The following TMEM232 variants were observed in gnomAD, a reference collection of about 807,000 sequenced individuals.
TMEM232 encodes transmembrane protein 232.
A neutral mutation model predicts 78.8 loss-of-function variants in TMEM232; 80 were observed. The observed-to-expected ratio is 1.01, with a 90% CI of 0.85 to 1.22. TMEM232 has a LOEUF of 1.22. Ranked by LOEUF, TMEM232 falls within the 50% of genes most tolerant of loss-of-function variation. The pLI, the probability that TMEM232 is intolerant of heterozygous loss-of-function variation, is 0.00. For synonymous variants in TMEM232, 297 were observed against 254.3 expected (o/e 1.17, Z -1.60); for missense variants, 881 against 742.2 (o/e 1.19, Z -2.17).
intron 1 of TMEM232, among the ~76,000 whole-genome samples, chr5:110,691,195 G>A (rs944900168): frequency 4.0e-5 from 6 of 149,796 alleles, no homozygotes; most frequent in African/African-American, 1.5e-4. Context: ...AGGAAAATGA[G>A]TTTAAAAGCA....
At chr5:110,536,877 G>T (rs984159451) in intron 11 of TMEM232, among the ~76,000 whole-genome samples, 2 of 152,124 alleles carry the variant, frequency 1.3e-5, no homozygotes, top group Non-Finnish European at 2.9e-5. Flanking sequence ...TAAATTTAGA[G>T]AGTAAAAGGG....
At chr5:110,578,953 GAC>G (rs1777864542) in intron 10 of TMEM232, among the ~76,000 whole-genome samples, 2 of 151,736 alleles carry the variant, frequency 1.3e-5, no homozygotes. Context: ...CAATTGGCTG[GAC>G]ACTTCGCAAA....
chr5:110,399,429 G>A (rs1436418373), intron 2 of TMEM232, among the ~76,000 whole-genome samples: 1 of 152,114 alleles, frequency 6.6e-6, no homozygotes, highest in African/African-American at 2.4e-5. Flanking sequence ...TTAACCCAGA[G>A]AAAATATGCT....
intron 1 of TMEM232, among the ~76,000 whole-genome samples, chr5:110,682,417 A>G (rs531126674): frequency 1.3e-5 from 2 of 152,066 alleles, no homozygotes; most frequent in South Asian, 2.1e-4. Flanking sequence ...TTAGACACCA[A>G]CTATTTCTAG....
chr5:110,528,916 A>C, intron 11 of TMEM232, 81 bp from the exon 12 acceptor site: 1 of 1,153,886 alleles, frequency 8.7e-7, no homozygotes, highest in South Asian at 3.8e-5. Flanking sequence ...AAATTTTTTA[A>C]AGTATCTTTA....
intron 2 of TMEM232, among the ~76,000 whole-genome samples, chr5:110,413,961 CCCA>C (rs201383801): frequency 1.3e-5 from 2 of 152,266 alleles, no homozygotes; most frequent in East Asian, 3.9e-4. Flanking sequence ...AACCATATGA[CCCA>C]CCACAACACA....
intron 12 of TMEM232, among the ~76,000 whole-genome samples, chr5:110,444,057 G>T (rs1007864621): frequency 2.6e-5 from 4 of 152,034 alleles, no homozygotes; most frequent in African/African-American, 9.7e-5. Flanking sequence ...TTGGGGAAGG[G>T]GTGATGCAAG....
chr5:110,438,411 C>T lies in TMEM232; in HGVS notation c.1704-13495G>A, dbSNP rs575596429. 5.3e-4 allele frequency among the ~76,000 whole-genome samples: 81 copies of T among 151,890 alleles called. 1 individual carries two copies. Among genetic ancestry groups the T allele is most frequent in the Non-Finnish European group, 1.0e-3 (69 of 67,936 alleles). On this transcript the variant is annotated intron_variant, in intron 12 of 13. Transcript: ENST00000455884. ...CCCAGCGAAGGGCCACTTAAATTAC[C>T]TCTCCATTCTCATGATCTGAGTGCA...
chr5:110,433,159 CCAA>C (rs1456765651), intron 12 of TMEM232, among the ~76,000 whole-genome samples: 1 of 151,668 alleles, frequency 6.6e-6, no homozygotes, highest in African/African-American at 2.4e-5. Flanking sequence ...ATTACTCCAC[CCAA>C]CAACGACAGA....
chr5:110,433,994 A>G (rs548007864), intron 12 of TMEM232, among the ~76,000 whole-genome samples: 30 of 152,150 alleles, frequency 2.0e-4, no homozygotes, highest in Middle Eastern at 3.4e-3. Flanking sequence ...CTAGTATTAT[A>G]GAATGAGTTA....
intron 12 of TMEM232, among the ~76,000 whole-genome samples, chr5:110,520,048 T>TAGAG (rs200426316): frequency 1.8e-4 from 24 of 136,930 alleles, no homozygotes; most frequent in African/African-American, 7.0e-4. Flanking sequence ...TATATATATA[T>TAGAG]ATAGAGAGAG....
chr5:110,716,961 A>G (rs1178858384), intron 1 of TMEM232, among the ~76,000 whole-genome samples: 1 of 152,172 alleles, frequency 6.6e-6, no homozygotes, highest in East Asian at 1.9e-4. Flanking sequence ...TGTATGAAGT[A>G]TACAGCAATT....
intron 10 of TMEM232, among the ~76,000 whole-genome samples, chr5:110,595,110 G>T (rs1779994151): frequency 6.6e-6 from 1 of 152,202 alleles, no homozygotes; most frequent in Admixed American, 6.5e-5. Context: ...TGCAGCTTCT[G>T]CTGGTGATAC....
At chr5:110,398,511 G>C (rs1755475297) in intron 2 of TMEM232, among the ~76,000 whole-genome samples, 1 of 152,100 alleles carries the variant, frequency 6.6e-6, no homozygotes, top group Admixed American at 6.6e-5. Context: ...ATCACTTCTT[G>C]CCATGGACAG....
intron 12 of TMEM232, among the ~76,000 whole-genome samples, chr5:110,429,098 C>T (rs570194965): frequency 4.0e-5 from 6 of 151,810 alleles, no homozygotes; most frequent in African/African-American, 1.4e-4. Flanking sequence ...GAAGAAAAAG[C>T]TTAGATTCTT....
intron 2 of TMEM232, among the ~76,000 whole-genome samples, chr5:110,404,000 G>A (rs959835826): frequency 1.3e-5 from 2 of 151,870 alleles, no homozygotes; most frequent in Non-Finnish European, 2.9e-5. Flanking sequence ...ACTTTTCAAT[G>A]AATTTTCCTT....
chr5:110,470,080 C>T (rs1445561128), intron 12 of TMEM232, among the ~76,000 whole-genome samples: 1 of 152,134 alleles, frequency 6.6e-6, no homozygotes, highest in Non-Finnish European at 1.5e-5. Context: ...CTAACTATCC[C>T]AGGGTCCAGA....
chr5:110,488,481 T>C (rs1352876842), intron 12 of TMEM232, among the ~76,000 whole-genome samples: 4 of 152,014 alleles, frequency 2.6e-5, no homozygotes, highest in Admixed American at 1.3e-4. Flanking sequence ...AAATAAGCAA[T>C]TGGTTCAAGA....
intron 12 of TMEM232, among the ~76,000 whole-genome samples, chr5:110,483,363 C>CA (rs1263392357): frequency 6.6e-6 from 1 of 151,848 alleles, no homozygotes; most frequent in African/African-American, 2.4e-5. Flanking sequence ...ATTAAAAAGT[C>CA]AAAAAATAAT....
Sources: allele counts gnomAD v4.1 joint callset (sites outside exome capture counted in the v4.1 genomes callset), GRCh38; gene constraint gnomAD v4.1.1; transcripts MANE v1.5; gene names NCBI Gene and HGNC (gene_info 2026-07-23, HGNC 2026-07-21).